The following DOCK7 variants were observed in gnomAD, a reference collection of about 807,000 sequenced individuals.
DOCK7 encodes the protein dedicator of cytokinesis protein 7.
Under a neutral mutation model 271.0 loss-of-function variants are expected in DOCK7, and 138 were observed. The ratio of observed to expected loss-of-function variants is 0.51; its 90% confidence interval spans 0.44 to 0.59. The LOEUF is 0.59. Among genes scored for constraint, DOCK7 ranks in the 20% least tolerant of loss-of-function variants. The pLI, the probability that DOCK7 is intolerant of heterozygous loss-of-function variation, is 0.00. For missense variants in DOCK7, 2,066 were observed against 2,592.4 expected, an observed-to-expected ratio of 0.80 and a Z score of 4.41; for synonymous variants, 823 against 876.1, an observed-to-expected ratio of 0.94 and a Z score of 1.07.
chr1:62,512,056 T>C (rs1216893849), intron 33 of DOCK7, among the ~76,000 whole-genome samples: 5 of 152,328 alleles, frequency 3.3e-5, no homozygotes, highest in Middle Eastern at 3.4e-3. Context: ...CTGTAAATTG[T>C]ATATAACTAA....
intron 8 of DOCK7, among the ~76,000 whole-genome samples, chr1:62,636,027 C>G (rs1363983962): frequency 6.6e-6 from 1 of 152,126 alleles, no homozygotes; most frequent in Non-Finnish European, 1.5e-5. Flanking sequence ...CCAAGATGGG[C>G]GGATCACGAG....
intron 11 of DOCK7, chr1:62,628,564 C>A (rs570018222): frequency 6.6e-6 from 1 of 152,216 alleles, no homozygotes; most frequent in East Asian, 1.9e-4. Flanking sequence ...TTATTATAAA[C>A]CTAAATGTAA....
chr1:62,521,046 G>A (rs1248304363), intron 31 of DOCK7, among the ~76,000 whole-genome samples: 2 of 144,400 alleles, frequency 1.4e-5, no homozygotes, highest in East Asian at 2.1e-4. Flanking sequence ...GGTGGGAGTC[G>A]AACAATGAGA....
At chr1:62,526,605 G>A in intron 31 of DOCK7, among the ~76,000 whole-genome samples, 1 of 152,036 alleles carries the variant, frequency 6.6e-6, no homozygotes, top group East Asian at 1.9e-4. Flanking sequence ...AACATATGTG[G>A]ACACAGACTT....
chr1:62,564,988 G>C (rs563596786), intron 18 of DOCK7, among the ~76,000 whole-genome samples: 72 of 152,198 alleles, frequency 4.7e-4, no homozygotes, highest in African/African-American at 1.7e-3. Context: ...ACCCTCCCAA[G>C]TCTAAACCAG....
intron 43 of DOCK7, chr1:62,479,783 A>C: frequency 3.3e-6 from 1 of 304,108 alleles, no homozygotes; most frequent in East Asian, 9.1e-5. Context: ...TCCTGGGCTC[A>C]AGCGATCCTT....
chr1:62,647,533 T>C (rs1340544252), intron 7 of DOCK7, among the ~76,000 whole-genome samples, 158 bp downstream of exon 7: 3 of 152,178 alleles, frequency 2.0e-5, no homozygotes, highest in East Asian at 1.9e-4. Flanking sequence ...GCTTCATACA[T>C]ACGTTTGAAT....
intron 18 of DOCK7, among the ~76,000 whole-genome samples, chr1:62,563,475 A>G (rs1230095540): frequency 6.6e-6 from 1 of 152,198 alleles, no homozygotes; most frequent in Non-Finnish European, 1.5e-5. Flanking sequence ...AAAATGTTTC[A>G]AAAAGCAATT....
rs1167688935 is a variant in DOCK7 at position 62,540,691 on chromosome 1, G to A, written c.3046-799C>T. Among the ~76,000 whole-genome samples the A allele has an allele frequency of 1.3e-5, 2 of 152,092 alleles. 1 individual carries two copies. The highest frequency in any genetic ancestry group is 2.9e-5 in the Non-Finnish European group (2 of 68,006). ...TGTGCAGATTCTTTATTATAACACT[G>A]TGGTAATGGTAACAAAGAATTTTAA... On this transcript the variant is annotated intron_variant, in intron 25 of 49. Transcript: ENST00000635253.
At position 62,555,727 on chromosome 1, in the gene DOCK7, G is replaced by C. The variant is rs148296572; in HGVS notation, c.2596+98C>G. Reference sequence around the variant, plus strand: ...AGGTGTTCAATAAATGTTTGCCTTTGAATAAATGGATCACAGTATGGACTA... The same window carrying C: ...AGGTGTTCAATAAATGTTTGCCTTTCAATAAATGGATCACAGTATGGACTA... On this transcript the variant is annotated intron_variant, in intron 21 of 49. Coordinates refer to ENST00000635253, the MANE Select transcript of DOCK7 (RefSeq NM_001367561.1). 1.5e-5 allele frequency: 20 copies of C among 1,357,846 alleles called. No homozygotes were observed. The Middle Eastern group carries it at 6.3e-4, about 43-fold the overall frequency. The allele number at this position is 1,357,846 out of a possible 1,614,324, so 84.1% of individuals were successfully genotyped here. A position where few individuals can be genotyped will look rare whatever the true frequency, so the allele number is the denominator to read the frequency against.
chr1:62,537,505 G>C (rs1338091904), intron 28 of DOCK7, among the ~76,000 whole-genome samples: 1 of 149,098 alleles, frequency 6.7e-6, no homozygotes, highest in Admixed American at 6.8e-5. Context: ...AGAATCGCTT[G>C]AACCCCAGAG....
chr1:62,625,824 C>T (rs1040476594), intron 11 of DOCK7, among the ~76,000 whole-genome samples: 4 of 152,150 alleles, frequency 2.6e-5, no homozygotes, highest in African/African-American at 9.7e-5. Flanking sequence ...TTAAAACCAA[C>T]AGAACTAGAC....
intron 1 of DOCK7, among the ~76,000 whole-genome samples, chr1:62,675,898 T>A (rs1165917333): frequency 3.3e-5 from 5 of 152,092 alleles, no homozygotes; most frequent in Non-Finnish European, 5.9e-5. Context: ...ATAACAAGTG[T>A]TAGCAAGCAT....
At position 62,483,174 on chromosome 1, in the gene DOCK7, A is replaced by AT. The variant is rs57648164; in HGVS notation, c.5508+4223dup. 82 of 70,174 alleles carry AT rather than the reference A, an allele frequency of 1.2e-3. 8 individuals are homozygous for AT. Among genetic ancestry groups the AT allele is most frequent in the African/African-American group, 3.7e-3 (79 of 21,456 alleles). 4.3% of individuals were successfully genotyped at this position (70,174 alleles called of 1,614,324 possible). ...AGGTACACACCACCATGCCCAGCTA[A>AT]TTTTTTTTTTTTTTTTTTTTTTTTT... On this transcript the variant is annotated intron_variant, in intron 43 of 49. Coordinates refer to ENST00000635253, the MANE Select transcript of DOCK7 (RefSeq NM_001367561.1).
chr1:62,493,843 G>A (rs1423287299), intron 40 of DOCK7, among the ~76,000 whole-genome samples: 2 of 152,116 alleles, frequency 1.3e-5, no homozygotes, highest in Non-Finnish European at 2.9e-5. Context: ...CTACTAGAGG[G>A]CAAACTCATC....
chr1:62,676,668 A>G (rs1660577178), intron 1 of DOCK7, among the ~76,000 whole-genome samples: 1 of 152,178 alleles, frequency 6.6e-6, no homozygotes, highest in Non-Finnish European at 1.5e-5. Flanking sequence ...TCACTAAGAA[A>G]ATTTTGCACC....
intron 31 of DOCK7, among the ~76,000 whole-genome samples, chr1:62,525,522 T>C (rs527648559): frequency 1.3e-5 from 2 of 152,258 alleles, no homozygotes; most frequent in South Asian, 2.1e-4. Context: ...ATATGTAGTA[T>C]ACTTCACAAA....
At chr1:62,615,707 A>C (rs1242044673) in intron 14 of DOCK7, among the ~76,000 whole-genome samples, 1 of 151,746 alleles carries the variant, frequency 6.6e-6, no homozygotes, top group Non-Finnish European at 1.5e-5. Context: ...GTTATTCTAT[A>C]AACATTTAAT....
chr1:62,633,620 C>T (rs1445949293), intron 9 of DOCK7, 42 bp from the exon 10 acceptor site: 3 of 1,438,178 alleles, frequency 2.1e-6, no homozygotes, highest in Admixed American at 3.5e-5. Context: ...TTTTAAAAGC[C>T]TGAAATTCAA....
Sources: gnomAD v4.1 joint callset for allele counts (sites outside exome capture counted in the v4.1 genomes callset) on GRCh38, gnomAD v4.1.1 for gene constraint, MANE v1.5 for transcripts, NCBI Gene and HGNC (gene_info 2026-07-23, HGNC 2026-07-21) for gene names.